Variants in SYT16 observed in about 807,000 individuals in gnomAD.
SYT16 encodes the protein synaptotagmin 16.
A neutral mutation model predicts 61.4 loss-of-function variants in SYT16; 42 were observed. The observed-to-expected ratio is 0.68, with a 90% confidence interval of 0.53 to 0.89. The LOEUF is 0.89. Ranked by LOEUF, SYT16 falls within the 40% of genes least tolerant of loss-of-function variation. The pLI, the probability that SYT16 is intolerant of heterozygous loss-of-function variation, is 0.00. For synonymous variants in SYT16, 314 were observed against 302.3 expected (o/e 1.04, Z -0.40); for missense variants, 804 against 807.3 (o/e 1.00, Z 0.05).
chr14:61,881,003 A>C (rs957375357), intron 1 of SYT16, among the ~76,000 whole-genome samples: 4 of 152,174 alleles, frequency 2.6e-5, no homozygotes, highest in South Asian at 2.1e-4. Flanking sequence ...AAAATGAACA[A>C]ATTTATTTGA....
At chr14:62,098,627 C>G (rs1329662320) in intron 7 of SYT16, among the ~76,000 whole-genome samples, 5 of 152,270 alleles carry the variant, frequency 3.3e-5, no homozygotes, top group Admixed American at 2.0e-4. Flanking sequence ...AGCTTCCTGA[C>G]TAGACATGAA....
At chr14:61,860,386 T>A (rs148840938) in intron 1 of SYT16, among the ~76,000 whole-genome samples, 2 of 152,284 alleles carry the variant, frequency 1.3e-5, no homozygotes, top group East Asian at 1.9e-4. Flanking sequence ...TCATTCCTTT[T>A]TAGTGAAAGA....
chr14:62,051,216 C>T (rs2055275551), intron 3 of SYT16, among the ~76,000 whole-genome samples: 1 of 152,220 alleles, frequency 6.6e-6, no homozygotes, highest in Non-Finnish European at 1.5e-5. Flanking sequence ...AGTTTGATCT[C>T]AGACTGCTGT....
chr14:61,889,132 G>A (rs2048026614), intron 1 of SYT16, among the ~76,000 whole-genome samples: 1 of 152,238 alleles, frequency 6.6e-6, no homozygotes, highest in Admixed American at 6.5e-5. Flanking sequence ...ATAGGGTCTT[G>A]CAGTGGAGGA....
chr14:61,939,269 A>G (rs1012327051), intron 1 of SYT16, among the ~76,000 whole-genome samples: 12 of 152,226 alleles, frequency 7.9e-5, no homozygotes, highest in Admixed American at 7.8e-4. Context: ...TAATCCCCCC[A>G]AAGCACTAAC....
At chr14:61,906,730 CA>C (rs1377546888) in intron 1 of SYT16, among the ~76,000 whole-genome samples, 4 of 119,030 alleles carry the variant, frequency 3.4e-5, no homozygotes, top group Non-Finnish European at 7.2e-5. Context: ...TCCATCCATC[CA>C]TCCATCCATC....
chr14:62,087,298 A>G (rs2056918399), intron 7 of SYT16, among the ~76,000 whole-genome samples: 1 of 152,154 alleles, frequency 6.6e-6, no homozygotes, highest in African/African-American at 2.4e-5. Flanking sequence ...CGGAGGCCGC[A>G]TGCCAAGTGC....
At chr14:61,981,306 C>A (rs1595074737) in intron 2 of SYT16, among the ~76,000 whole-genome samples, 1 of 152,160 alleles carries the variant, frequency 6.6e-6, no homozygotes, top group East Asian at 1.9e-4. Context: ...TATCTGGGCA[C>A]CATGGCTTAG....
intron 3 of SYT16, among the ~76,000 whole-genome samples, chr14:62,039,596 C>T (rs891799401): frequency 1.6e-4 from 25 of 152,006 alleles, no homozygotes; most frequent in African/African-American, 5.6e-4. Context: ...TATTTATATG[C>T]TTAATGAATT....
intron 5 of SYT16, among the ~76,000 whole-genome samples, chr14:62,078,172 A>AAACACACACACACACACACACACAC (rs1555382591): frequency 7.8e-6 from 1 of 128,786 alleles, no homozygotes; most frequent in African/African-American, 3.1e-5. Flanking sequence ...TATATATATA[A>AAACACACACACACACACACACACAC]ACACACACAC....
chr14:61,832,737 C>T (rs2140237445), intron 1 of SYT16, among the ~76,000 whole-genome samples: 1 of 152,256 alleles, frequency 6.6e-6, no homozygotes, highest in Non-Finnish European at 1.5e-5. Flanking sequence ...CGTGCCCGGC[C>T]CAGCCCAGTA....
intron 1 of SYT16, among the ~76,000 whole-genome samples, chr14:61,962,218 A>G (rs892201020): frequency 4.6e-5 from 7 of 152,104 alleles, no homozygotes; most frequent in Non-Finnish European, 2.9e-5. Context: ...CCCCTGTGAC[A>G]TGCCAATTTA....
chr14:62,035,987 G>A (rs2054491985), intron 3 of SYT16, among the ~76,000 whole-genome samples: 2 of 152,154 alleles, frequency 1.3e-5, no homozygotes, highest in Admixed American at 6.6e-5. Flanking sequence ...TAGGCTCTGA[G>A]GATGCAGAGA....
intron 3 of SYT16, among the ~76,000 whole-genome samples, chr14:62,023,794 A>G (rs1003387071): frequency 2.6e-5 from 4 of 152,142 alleles, no homozygotes; most frequent in African/African-American, 9.7e-5. Flanking sequence ...AAGGTACTCC[A>G]TCCTTAGTTT....
chr14:61,874,959 T>A (rs888889528), intron 1 of SYT16, among the ~76,000 whole-genome samples: 1 of 152,122 alleles, frequency 6.6e-6, no homozygotes, highest in African/African-American at 2.4e-5. Flanking sequence ...TTTTTTCTCT[T>A]TGGGGAGAGT....
At chr14:62,039,349 G>T (rs1428529696) in intron 3 of SYT16, among the ~76,000 whole-genome samples, 2 of 152,112 alleles carry the variant, frequency 1.3e-5, no homozygotes, top group Non-Finnish European at 2.9e-5. Context: ...AGTAATGAAT[G>T]ATATTTGGGG....
At chr14:62,028,924 A>C (rs2054203070) in intron 3 of SYT16, among the ~76,000 whole-genome samples, 3 of 152,220 alleles carry the variant, frequency 2.0e-5, no homozygotes, top group African/African-American at 7.2e-5. Context: ...ACTGAGTGGA[A>C]TTTATCAGGT....
intron 2 of SYT16, among the ~76,000 whole-genome samples, chr14:61,983,659 T>A (rs1959324): frequency 0.42 from 64,209 of 151,818 alleles, 14,180 homozygotes; most frequent in East Asian, 0.75. Context: ...CTAAGTAGCT[T>A]GGACTTCAGT....
intron 1 of SYT16, among the ~76,000 whole-genome samples, chr14:61,908,723 C>T (rs909366237): frequency 6.6e-6 from 1 of 152,174 alleles, no homozygotes; most frequent in Non-Finnish European, 1.5e-5. Flanking sequence ...CTGAGAGATA[C>T]AGGATTTTTT....
Sources: allele counts gnomAD v4.1 joint callset (sites outside exome capture counted in the v4.1 genomes callset), GRCh38; gene constraint gnomAD v4.1.1; transcripts MANE v1.5; gene names NCBI Gene and HGNC (gene_info 2026-07-23, HGNC 2026-07-21).